Variants in GALNT9 observed in about 807,000 individuals in gnomAD.
GALNT9 encodes the protein GalNAc transferase 9.
Under a neutral mutation model 63.1 loss-of-function variants are expected in GALNT9, and 47 were observed. The observed-to-expected ratio is 0.75, with a 90% CI of 0.59 to 0.95. The LOEUF (loss-of-function observed/expected upper bound fraction) is 0.95. GALNT9 is among the 40% of genes least tolerant of loss of function. GALNT9 has a pLI of 0.00. For synonymous variants in GALNT9, 396 were observed against 365.7 expected, an observed-to-expected ratio of 1.08 and a Z score of -0.94; for missense variants, 829 against 874.8, an observed-to-expected ratio of 0.95 and a Z score of 0.66.
Position 132,329,165 on chromosome 12 carries a change from C to G in GALNT9, c.39G>C (p.Val13=). ...CGATGCCCACGAACACCAGGATGTT[C>G]ACCGTCAGCAAAGTTCGGATCTTCC... ...VARKIRTLLT[V]NILVFVGIVL... The change falls in exon 1 of 11, where the codon GTG becomes GTC. Residue 13 remains valine, a synonymous_variant. Transcript: ENST00000328957. The G allele has an allele frequency of 6.5e-7, 1 of 1,549,020 alleles. No homozygotes were observed. Among genetic ancestry groups the G allele is most frequent in the Non-Finnish European group, 8.7e-7 (1 of 1,146,216 alleles).
intron 2 of GALNT9, among the ~76,000 whole-genome samples, chr12:132,284,788 T>G (rs1880523293): frequency 6.6e-6 from 1 of 152,180 alleles, no homozygotes; most frequent in Admixed American, 6.5e-5. Flanking sequence ...CAGCACGCAT[T>G]TGTGGGAAGG....
intron 4 of GALNT9, among the ~76,000 whole-genome samples, chr12:132,258,680 T>TG (rs1263970201): frequency 2.0e-5 from 3 of 152,042 alleles, no homozygotes; most frequent in East Asian, 3.9e-4. Flanking sequence ...GATGGGGCAA[T>TG]GGGGGGCGAG....
Position 132,316,003 on chromosome 12 carries a change from A to T in GALNT9, c.238+12963T>A, listed in dbSNP as rs1313434896. Among the ~76,000 whole-genome samples the T allele has an allele frequency of 6.6e-6, 1 of 152,164 alleles. No homozygotes were observed. Among genetic ancestry groups the T allele is most frequent in the African/African-American group, 2.4e-5 (1 of 41,442 alleles). On this transcript the variant is annotated intron_variant, in intron 1 of 10. Coordinates refer to ENST00000328957, the MANE Select transcript of GALNT9 (RefSeq NM_001122636.2). The surrounding 1 kb of genome is among the most constrained non-coding windows in gnomAD (Gnocchi z 4.3). ...GTGGTGGGGACGCGGGGTCCTGGAG[A>T]GGGCACGGCAGGCAGGCAGCCCCCG...
chr12:132,239,393 C>A (rs1384454715), intron 6 of GALNT9, among the ~76,000 whole-genome samples: 1 of 137,418 alleles, frequency 7.3e-6, no homozygotes, highest in Non-Finnish European at 1.6e-5. Context: ...GACACAGAGA[C>A]AGAAAGAGAG....
intron 2 of GALNT9, among the ~76,000 whole-genome samples, chr12:132,285,929 A>G (rs1555242095): frequency 2.6e-5 from 4 of 151,950 alleles, no homozygotes; most frequent in African/African-American, 7.2e-5. Context: ...AGAGACAGGG[A>G]AGACAGAGGA....
At chr12:132,272,302 C>G (rs1435126214) in intron 2 of GALNT9, among the ~76,000 whole-genome samples, 1 of 152,224 alleles carries the variant, frequency 6.6e-6, no homozygotes, top group Non-Finnish European at 1.5e-5. Context: ...GGGACAGGGT[C>G]AGGGCAGGTG....
intron 1 of GALNT9, among the ~76,000 whole-genome samples, chr12:132,303,415 G>C (rs782596152): frequency 9.2e-6 from 1 of 108,850 alleles, no homozygotes; most frequent in African/African-American, 3.8e-5. Context: ...ACCCTCACCC[G>C]GGCACAGCCT....
At chr12:132,216,064 A>G (rs993970644) in intron 6 of GALNT9, among the ~76,000 whole-genome samples, 1 of 152,166 alleles carries the variant, frequency 6.6e-6, no homozygotes, top group African/African-American at 2.4e-5. Flanking sequence ...AGACAGAGAC[A>G]TAGAGAGACG....
chr12:132,207,725 G>A (rs924653502), intron 6 of GALNT9, among the ~76,000 whole-genome samples: 5 of 152,194 alleles, frequency 3.3e-5, no homozygotes, highest in East Asian at 3.9e-4. Context: ...GGCTTGGGCC[G>A]CAGACCCCTG....
rs1235878254 is a variant in GALNT9 at position 132,196,570 on chromosome 12, G to A, written c.*537C>T. 6.1e-6 allele frequency: 6 copies of A among 986,266 alleles called. No individual in the cohort carries two copies. Among genetic ancestry groups the A allele is most frequent in the Admixed American group, 6.1e-5 (1 of 16,348 alleles). The allele number at this position is 986,266 out of a possible 1,614,324, so 61.1% of individuals were successfully genotyped here. A position where few individuals can be genotyped will look rare whatever the true frequency, so the allele number is the denominator to read the frequency against. On this transcript the variant is annotated 3_prime_UTR_variant, in exon 11 of 11. Coordinates refer to ENST00000328957, the MANE Select transcript of GALNT9 (RefSeq NM_001122636.2). ...GCAGTCGTGCCAGCCTCCTAGACACGGCCTCAGGTTTGTCGCTGTCCATGT... is the reference window on the plus strand; with the variant it reads ...GCAGTCGTGCCAGCCTCCTAGACACAGCCTCAGGTTTGTCGCTGTCCATGT...
intron 1 of GALNT9, among the ~76,000 whole-genome samples, chr12:132,324,024 C>T (rs1356602405): frequency 6.6e-6 from 1 of 152,236 alleles, no homozygotes; most frequent in Non-Finnish European, 1.5e-5. Context: ...TGAACTCAAG[C>T]TGGAAAGGCC....
At chr12:132,304,044 C>A (rs1247477587) in intron 1 of GALNT9, among the ~76,000 whole-genome samples, 1 of 41,788 alleles carries the variant, frequency 2.4e-5, no homozygotes, top group Non-Finnish European at 4.4e-5. Context: ...CGCCCGGACA[C>A]ACCCTCACCC....
chr12:132,198,251 C>T (rs981733622), intron 9 of GALNT9, among the ~76,000 whole-genome samples: 4 of 152,358 alleles, frequency 2.6e-5, no homozygotes, highest in African/African-American at 9.6e-5. Flanking sequence ...ACCCAGAGCG[C>T]GGCCCCACTC....
chr12:132,302,725 G>C (rs2135575618), intron 1 of GALNT9, among the ~76,000 whole-genome samples: 1 of 152,362 alleles, frequency 6.6e-6, no homozygotes, highest in Middle Eastern at 3.4e-3. Flanking sequence ...AGGAAGAGGA[G>C]TCGGAGGGAA....
chr12:132,298,592 C>T (rs1419181325), intron 1 of GALNT9, among the ~76,000 whole-genome samples: 2 of 150,476 alleles, frequency 1.3e-5, no homozygotes, highest in Non-Finnish European at 3.0e-5. Flanking sequence ...TGATAACTAA[C>T]CTGCTCCCAC....
chr12:132,320,192 C>T (rs1868714617), intron 1 of GALNT9, among the ~76,000 whole-genome samples: 2 of 150,214 alleles, frequency 1.3e-5, no homozygotes, highest in South Asian at 2.2e-4. Context: ...CACAGCACAT[C>T]CACACACGCG....
rs1443171577 is a variant in GALNT9, at chr12:132,233,140, T to C, written c.1077+14770A>G. Among the ~76,000 whole-genome samples the C allele has an allele frequency of 1.2e-4, 7 of 57,344 alleles. 1 individual carries two copies. Among genetic ancestry groups the C allele is most frequent in the Non-Finnish European group, 1.6e-4 (5 of 31,770 alleles). 37.6% of individuals were successfully genotyped at this position (57,344 alleles called of 152,430 possible). On this transcript the variant is annotated intron_variant, in intron 6 of 10. Transcript: ENST00000328957. Reference sequence around the variant, plus strand: ...GAGTCCCCTACTGCCACACACTCCATGGGGCGACAGGAGACAGCGTGGAGC... The same window carrying C: ...GAGTCCCCTACTGCCACACACTCCACGGGGCGACAGGAGACAGCGTGGAGC...
chr12:132,264,547 C>T (rs112417815), intron 2 of GALNT9, among the ~76,000 whole-genome samples: 5 of 152,232 alleles, frequency 3.3e-5, no homozygotes, highest in South Asian at 4.1e-4. Flanking sequence ...AAGGCCTGTC[C>T]GCATGGCCGG....
intron 5 of GALNT9, among the ~76,000 whole-genome samples, chr12:132,250,225 G>C (rs1878856446): frequency 6.6e-6 from 1 of 152,186 alleles, no homozygotes; most frequent in Admixed American, 6.5e-5. Context: ...CCGCATGCAA[G>C]GAACAGAAGA....
Sources: gnomAD v4.1 joint callset for allele counts (sites outside exome capture counted in the v4.1 genomes callset) on GRCh38, gnomAD v4.1.1 for gene constraint, Gnocchi (gnomAD v3.1) non-coding constraint, MANE v1.5 for transcripts, NCBI Gene and HGNC (gene_info 2026-07-23, HGNC 2026-07-21) for gene names.